The following NEXMIF variants were observed in gnomAD, a reference collection of about 807,000 sequenced individuals.
NEXMIF encodes XLMR protein related to neurite extension.
A neutral mutation model predicts 62.1 loss-of-function variants in NEXMIF; 8 were observed. The ratio of observed to expected loss-of-function variants is 0.13; its 90% CI spans 0.08 to 0.23. The LOEUF (loss-of-function observed/expected upper bound fraction) is 0.23. NEXMIF is among the 10% of genes least tolerant of loss of function. The pLI is 1.00. For missense variants in NEXMIF, 976 were observed against 1,113.3 expected (o/e 0.88, Z 1.75); for synonymous variants, 404 against 416.6 (o/e 0.97, Z 0.37).
intron 1 of NEXMIF, among the ~76,000 whole-genome samples, chrX:74,825,170 T>A (rs1011791343): frequency 2.7e-5 from 3 of 111,876 alleles, no homozygotes; most frequent in African/African-American, 9.8e-5. Context: ...TTTTCATATC[T>A]TTTCTGTTGG....
At position 74,848,156 on chromosome X, in the gene NEXMIF, C is replaced by CA. The variant is rs745631665; in HGVS notation, c.-48+76726dup. On this transcript the variant is annotated intron_variant, in intron 1 of 3. Coordinates refer to ENST00000055682, the MANE Select transcript of NEXMIF (RefSeq NM_001008537.3). ...TCTATGCTTGATTTTTCTCCTTGGT[C>CA]AAAAAATGTGTCCTTGTTTATTTAA... Among the ~76,000 whole-genome samples, 38 of 111,460 alleles carry CA rather than the reference C, an allele frequency of 3.4e-4. 1 individual carries two copies. Among genetic ancestry groups the CA allele is most frequent in the Non-Finnish European group, 5.1e-4 (27 of 53,128 alleles).
In NEXMIF at chrX:74,903,325, TACACACACACACACACACACACACACAC is replaced by T. The variant is rs397897060; in HGVS notation, c.-48+21530_-48+21557del. On this transcript the variant is annotated intron_variant, in intron 1 of 3. Transcript: ENST00000055682. ...TGGAGTCCTCACTGATTCTCAGGCA[TACACACACACACACACACACACACACAC>T]ACACACACACACACACACACACACA... Among the ~76,000 whole-genome samples the T allele has an allele frequency of 9.6e-4, 49 of 51,244 alleles. 1 individual carries two copies. Among genetic ancestry groups the T allele is most frequent in the African/African-American group, 3.1e-3 (41 of 13,163 alleles). The allele number at this position is 51,244 out of a possible 115,157, so 44.5% of individuals were successfully genotyped here.
chrX:74,873,821 C>A (rs1285756687), intron 1 of NEXMIF, among the ~76,000 whole-genome samples: 2 of 111,281 alleles, frequency 1.8e-5, no homozygotes, highest in African/African-American at 6.5e-5. Flanking sequence ...TGTCCTTCAC[C>A]CACTTTTTGA....
At chrX:74,745,903 A>T (rs1467671568) in intron 1 of NEXMIF, among the ~76,000 whole-genome samples, 1 of 111,315 alleles carries the variant, frequency 9.0e-6, no homozygotes, top group Non-Finnish European at 1.9e-5. Flanking sequence ...TACATCCTAG[A>T]TCCTTCTATC....
At chrX:74,762,816 T>G (rs1174683899) in intron 1 of NEXMIF, among the ~76,000 whole-genome samples, 2 of 110,224 alleles carry the variant, frequency 1.8e-5, no homozygotes, top group East Asian at 2.8e-4. Context: ...GGGTTGTTTG[T>G]TTTTTTTTCT....
chrX:74,824,988 TG>T (rs1437841200), intron 1 of NEXMIF, among the ~76,000 whole-genome samples: 1 of 111,295 alleles, frequency 9.0e-6, no homozygotes, highest in East Asian at 2.8e-4. Context: ...CCATAATGGC[TG>T]TACTAATTTA....
intron 1 of NEXMIF, among the ~76,000 whole-genome samples, chrX:74,879,527 C>A (rs1270272859): frequency 8.9e-6 from 1 of 112,095 alleles, no homozygotes; most frequent in Non-Finnish European, 1.9e-5. Flanking sequence ...AATTTGTCAT[C>A]ATTTAAAGAT....
chrX:74,788,210 T>G (rs2080266873), intron 1 of NEXMIF, among the ~76,000 whole-genome samples: 1 of 111,710 alleles, frequency 9.0e-6, no homozygotes, highest in Non-Finnish European at 1.9e-5. Flanking sequence ...CCCACTAAGT[T>G]CTGAGGAAAA....
At position 74,743,350 on chromosome X, in the gene NEXMIF, T is replaced by C. The variant is rs746451764; in HGVS notation, c.1207A>G (p.Asn403Asp). Residue 403 changes from asparagine to aspartate, a missense_variant, in exon 3 of 4, where the codon AAT becomes GAT. Coordinates refer to ENST00000055682, the MANE Select transcript of NEXMIF (RefSeq NM_001008537.3). ...KGVEKKDGKD[N>D]GEKPALNKPC... ...TTATTTAAGGCAGGCTTTTCTCCAT[T>C]ATCCTTTCCATCTTTCTTCTCTACA... The C allele has an allele frequency of 2.5e-6, 3 of 1,211,481 alleles. No individual in the cohort carries two copies. Among genetic ancestry groups the C allele is most frequent in the Non-Finnish European group, 3.4e-6 (3 of 895,450 alleles).
chrX:74,865,285 G>C (rs1008925189), intron 1 of NEXMIF, among the ~76,000 whole-genome samples: 14 of 111,545 alleles, frequency 1.3e-4, no homozygotes, highest in African/African-American at 4.2e-4. Flanking sequence ...TGGAGATGAG[G>C]AATTTGTTGG....
chrX:74,885,330 A>C (rs1274846216), intron 1 of NEXMIF, among the ~76,000 whole-genome samples: 1 of 111,633 alleles, frequency 9.0e-6, no homozygotes, highest in African/African-American at 3.3e-5. Context: ...GACACAAAAA[A>C]CCCTTCAAAA....
rs867075586 is a variant in NEXMIF, at chrX:74,793,379, C to T, written c.-47-47682G>A. ...CTGATGGGCTTCCCTTTGAGGGTAA[C>T]CCGACCTTTCTCTCTGGCTGCCCTT... On this transcript the variant is annotated intron_variant, in intron 1 of 3. Coordinates refer to ENST00000055682, the MANE Select transcript of NEXMIF (RefSeq NM_001008537.3). 9.9e-3 allele frequency among the ~76,000 whole-genome samples: 1,064 copies of T among 107,712 alleles called. 15 individuals are homozygous for T. Among genetic ancestry groups the T allele is most frequent in the African/African-American group, 0.034 (1,014 of 29,741 alleles). The allele number at this position is 107,712 out of a possible 115,157, so 93.5% of individuals were successfully genotyped here. A position where few individuals can be genotyped will look rare whatever the true frequency, so the allele number is the denominator to read the frequency against.
chrX:74,733,694 A>G lies in NEXMIF; in HGVS notation c.*5711T>C, dbSNP rs1326748362. ...GAAACCTTCGCAACAAGAACAACAAAACCAGAAGTGTTACAAGAATAATTT... is the reference window on the plus strand; with the variant it reads ...GAAACCTTCGCAACAAGAACAACAAGACCAGAAGTGTTACAAGAATAATTT... On this transcript the variant is annotated 3_prime_UTR_variant, in exon 4 of 4. Transcript: ENST00000055682. 8.9e-6 allele frequency: 1 copy of G among 112,744 alleles called. No homozygotes were observed. Among genetic ancestry groups the G allele is most frequent in the East Asian group, 2.8e-4 (1 of 3,612 alleles). The allele number at this position is 112,744 out of a possible 1,213,427, so 9.3% of individuals were successfully genotyped here. A position where few individuals can be genotyped will look rare whatever the true frequency, so the allele number is the denominator to read the frequency against.
At chrX:74,868,131 A>G (rs778313194) in intron 1 of NEXMIF, among the ~76,000 whole-genome samples, 1 of 111,986 alleles carries the variant, frequency 8.9e-6, no homozygotes, top group Non-Finnish European at 1.9e-5. Context: ...AACAACAGAT[A>G]CTGGTGAGGC....
At chrX:74,885,300 GC>G (rs1466636119) in intron 1 of NEXMIF, among the ~76,000 whole-genome samples, 1 of 111,531 alleles carries the variant, frequency 9.0e-6, no homozygotes, top group Non-Finnish European at 1.9e-5. Flanking sequence ...TAAGATCAGA[GC>G]AGAACTGAAG....
intron 1 of NEXMIF, among the ~76,000 whole-genome samples, chrX:74,813,136 T>G (rs988691096): frequency 9.0e-6 from 1 of 111,625 alleles, no homozygotes; most frequent in African/African-American, 3.3e-5. Flanking sequence ...AAGAAATATT[T>G]TAGTTAATTG....
At chrX:74,859,669 G>A (rs2080549006) in intron 1 of NEXMIF, among the ~76,000 whole-genome samples, 1 of 111,189 alleles carries the variant, frequency 9.0e-6, no homozygotes, top group Admixed American at 9.6e-5. Flanking sequence ...GCTAAACAAT[G>A]AGCCAATCAA....
Position 74,739,267 on chromosome X carries a change from T to C in NEXMIF, c.*138A>G. The C allele has an allele frequency of 2.4e-6, 1 of 423,047 alleles. No individual in the cohort carries two copies. Among genetic ancestry groups the C allele is most frequent in the Non-Finnish European group, 4.0e-6 (1 of 250,280 alleles). 34.9% of individuals were successfully genotyped at this position (423,047 alleles called of 1,213,427 possible). A position where few individuals can be genotyped will look rare whatever the true frequency, so the allele number is the denominator to read the frequency against. ...ACTACTTGTGCAACTGTATGACTTT[T>C]TAAGTCTTTTACATAGAACATGAGA... On this transcript the variant is annotated 3_prime_UTR_variant, in exon 4 of 4. Coordinates refer to ENST00000055682, the MANE Select transcript of NEXMIF (RefSeq NM_001008537.3).
intron 1 of NEXMIF, among the ~76,000 whole-genome samples, chrX:74,787,444 G>C (rs1176874929): frequency 2.7e-5 from 3 of 111,463 alleles, no homozygotes; most frequent in African/African-American, 9.8e-5. Context: ...TTTTTGGTCT[G>C]GGTTTCAGTT....
Sources: gnomAD v4.1 joint callset for allele counts (sites outside exome capture counted in the v4.1 genomes callset) on GRCh38, gnomAD v4.1.1 for gene constraint, MANE v1.5 for transcripts, NCBI Gene and HGNC (gene_info 2026-07-23, HGNC 2026-07-21) for gene names.